BPNT2: variants seen among roughly 807,000 people sequenced by gnomAD.
BPNT2 encodes Golgi-resident adenosine 3',5'-bisphosphate 3'-phosphatase.
In BPNT2, 11 loss-of-function variants were observed where a neutral mutation model predicts 29.3. The observed-to-expected ratio is 0.38, with a 90% CI of 0.24 to 0.62. The LOEUF is 0.62. BPNT2 is among the 20% of genes least tolerant of loss of function. BPNT2 has a pLI of 0.62. For missense variants in BPNT2, 459 were observed against 473.4 expected, an observed-to-expected ratio of 0.97 and a Z score of 0.28; for synonymous variants, 195 against 187.7, an observed-to-expected ratio of 1.04 and a Z score of -0.32.
At chr8:56,984,205 T>A (rs1479004894) in intron 1 of BPNT2, among the ~76,000 whole-genome samples, 2 of 152,166 alleles carry the variant, frequency 1.3e-5, no homozygotes, top group Non-Finnish European at 2.9e-5. Flanking sequence ...AGCGAACACA[T>A]TATAGAACAG....
At position 56,958,173 on chromosome 8, in the gene BPNT2, A is replaced by C. The variant is rs1805769756; in HGVS notation, c.*5620T>G. The C allele has an allele frequency of 6.6e-6, 1 of 152,228 alleles. No homozygotes were observed. 9.4% of individuals were successfully genotyped at this position (152,228 alleles called of 1,614,324 possible). On this transcript the variant is annotated 3_prime_UTR_variant, in exon 5 of 5. Coordinates refer to ENST00000262644, the MANE Select transcript of BPNT2 (RefSeq NM_017813.5). Reference sequence around the variant, plus strand: ...CAACCAGCTTATACAACCAAGGCACAAAATATGCTAATGCTAATAATCCTT... The same window carrying C: ...CAACCAGCTTATACAACCAAGGCACCAAATATGCTAATGCTAATAATCCTT...
chr8:56,961,831 AC>A lies in BPNT2; in HGVS notation c.*1961del, dbSNP rs1299966038. On this transcript the variant is annotated 3_prime_UTR_variant, in exon 5 of 5. Transcript: ENST00000262644. Reference sequence around the variant, plus strand: ...CTCCAGCCTGGCCAACGAGAGTGAAACTCTGTCTCGAAAAAATAAAATAATT... The same window carrying A: ...CTCCAGCCTGGCCAACGAGAGTGAAATCTGTCTCGAAAAAATAAAATAATT... 2.6e-5 allele frequency: 4 copies of A among 152,128 alleles called. No individual in the cohort carries two copies. Among genetic ancestry groups the A allele is most frequent in the Admixed American group, 2.6e-4 (4 of 15,264 alleles). 9.4% of individuals were successfully genotyped at this position (152,128 alleles called of 1,614,324 possible).
In BPNT2 at chr8:56,982,072, G is replaced by T. The variant is rs1238680738; in HGVS notation, c.388-1875C>A. Among the ~76,000 whole-genome samples, 3 of 151,728 alleles carry T rather than the reference G, an allele frequency of 2.0e-5. No homozygotes were observed. In the South Asian group the frequency reaches 6.3e-4, roughly 32 times the overall value. On this transcript the variant is annotated intron_variant, in intron 1 of 4. Transcript: ENST00000262644. ...AACACCCCAAATTATCACAGGAGAG[G>T]TTAAAAATACTAATATTCTAGAAAC...
chr8:56,966,063 G>A (rs1404836907), intron 4 of BPNT2, 128 bp downstream of exon 4: 1 of 997,146 alleles, frequency 1.0e-6, no homozygotes, highest in Non-Finnish European at 1.6e-6. Context: ...AGGAGACCAA[G>A]CCTGTCTTGA....
At chr8:56,992,111 G>A (rs1308096483) in intron 1 of BPNT2, among the ~76,000 whole-genome samples, 1 of 152,276 alleles carries the variant, frequency 6.6e-6, no homozygotes, top group Non-Finnish European at 1.5e-5. Context: ...GCAATATTAT[G>A]ATAGACTGGA....
intron 3 of BPNT2, among the ~76,000 whole-genome samples, chr8:56,971,791 C>CG (rs1554539141): frequency 1.4e-5 from 2 of 146,954 alleles, no homozygotes; most frequent in East Asian, 2.0e-4. Flanking sequence ...CACCCCCCCC[C>CG]CCACAATGCT....
At chr8:56,965,636 T>A (rs1381281354) in intron 4 of BPNT2, among the ~76,000 whole-genome samples, 1 of 152,162 alleles carries the variant, frequency 6.6e-6, no homozygotes, top group African/African-American at 2.4e-5. Context: ...GGCTTCAAAT[T>A]TTATTATCGG....
chr8:56,980,221 TA>T, intron 1 of BPNT2, 24 bp from the exon 2 acceptor site: 3 of 1,597,094 alleles, frequency 1.9e-6, no homozygotes, highest in Non-Finnish European at 2.6e-6. Flanking sequence ...AGGTGACAGT[TA>T]AAAAAAGTAA....
At position 56,958,606 on chromosome 8, in the gene BPNT2, AAAAT is replaced by A. The variant is rs968513299; in HGVS notation, c.*5183_*5186del. ...AGCCCAGTATAAGGCAGGATGACAA[AAAAT>A]AAATAAAAGTATGAAGAGGCAAGAA... On this transcript the variant is annotated 3_prime_UTR_variant, in exon 5 of 5. Transcript: ENST00000262644. 3 of 152,264 alleles carry A rather than the reference AAAAT, an allele frequency of 2.0e-5. No homozygotes were observed. Among genetic ancestry groups the A allele is most frequent in the Non-Finnish European group, 2.9e-5 (2 of 68,050 alleles). The allele number at this position is 152,264 out of a possible 1,614,324, so 9.4% of individuals were successfully genotyped here.
intron 3 of BPNT2, among the ~76,000 whole-genome samples, chr8:56,968,404 CAA>C (rs888594940): frequency 1.4e-4 from 19 of 137,032 alleles, no homozygotes; most frequent in African/African-American, 5.1e-4. Flanking sequence ...AAAAAAAAAA[CAA>C]AAAAGAGTCA....
intron 4 of BPNT2, chr8:56,964,274 C>T (rs1805901264): frequency 2.1e-6 from 1 of 476,152 alleles, no homozygotes; most frequent in African/African-American, 2.0e-5. Context: ...AAATACATTG[C>T]AAAGTAACTT....
At chr8:56,964,116 T>C in intron 4 of BPNT2, 52 bp from the exon 5 acceptor site, 2 of 1,345,914 alleles carry the variant, frequency 1.5e-6, no homozygotes, top group Non-Finnish European at 2.1e-6. Context: ...TTTAAGAAAG[T>C]AGCATACTTT....
At chr8:56,990,739 G>C (rs994671433) in intron 1 of BPNT2, among the ~76,000 whole-genome samples, 1 of 151,932 alleles carries the variant, frequency 6.6e-6, no homozygotes, top group African/African-American at 2.4e-5. Flanking sequence ...AATGTCTTCC[G>C]ACGTTGTCAA....
At chr8:56,991,097 C>T (rs1436065438) in intron 1 of BPNT2, among the ~76,000 whole-genome samples, 1 of 152,088 alleles carries the variant, frequency 6.6e-6, no homozygotes, top group Non-Finnish European at 1.5e-5. Flanking sequence ...AGAAAGACTC[C>T]TTTTAGGTTG....
chr8:56,975,385 CGA>C (rs1563408059), intron 3 of BPNT2, among the ~76,000 whole-genome samples: 2 of 151,936 alleles, frequency 1.3e-5, no homozygotes, highest in East Asian at 1.9e-4. Context: ...ACTGATATAG[CGA>C]GATAATAAGG....
intron 3 of BPNT2, among the ~76,000 whole-genome samples, chr8:56,971,845 T>C (rs1014876832): frequency 4.6e-5 from 6 of 131,368 alleles, no homozygotes; most frequent in Admixed American, 9.4e-5. Flanking sequence ...TAAAACCCTA[T>C]GTGACTTTGG....
chr8:56,963,778 T>C lies in BPNT2; in HGVS notation c.*15A>G, dbSNP rs765979313. 3 of 1,613,946 alleles carry C rather than the reference T, an allele frequency of 1.9e-6. No homozygotes were observed. Among genetic ancestry groups the C allele is most frequent in the Admixed American group, 1.7e-5 (1 of 60,028 alleles). ...ATTTCAGCTGTGAAGAACTGTACCC[T>C]GTAATCAGTTATGCTCATTTATGTC... On this transcript the variant is annotated 3_prime_UTR_variant, in exon 5 of 5. Coordinates refer to ENST00000262644, the MANE Select transcript of BPNT2 (RefSeq NM_017813.5).
rs2129203522 is a variant in BPNT2 at position 56,966,252 on chromosome 8, G to A, written c.747C>T (p.Val249=). 1 of 1,614,076 alleles carries A rather than the reference G, an allele frequency of 6.2e-7. No individual in the cohort carries two copies. ...IVVSRSHSGM[V]KQVALQTFGN... ...CAAAAGTCTGAAGAGCGACCTGTTT[G>A]ACCATCCCTGAATGGGAACGAGACA... The change falls in exon 4 of 5, where the codon GTC becomes GTT. Residue 249 remains valine (V), a synonymous_variant. Transcript: ENST00000262644.
At chr8:56,985,698 T>C (rs568095189) in intron 1 of BPNT2, among the ~76,000 whole-genome samples, 34 of 152,316 alleles carry the variant, frequency 2.2e-4, no homozygotes, top group South Asian at 4.1e-4. Context: ...CCTCTATGTA[T>C]AGCAAGTAGG....
Sources: gnomAD v4.1 joint callset for allele counts (sites outside exome capture counted in the v4.1 genomes callset) on GRCh38, gnomAD v4.1.1 for gene constraint, MANE v1.5 for transcripts, NCBI Gene and HGNC (gene_info 2026-07-23, HGNC 2026-07-21) for gene names.